The following LSM11 variants were observed in gnomAD, a reference collection of about 807,000 sequenced individuals.
LSM11 encodes U7 snRNA-associated Sm-like protein LSm11.
Under a neutral mutation model 28.1 loss-of-function variants are expected in LSM11, and 14 were observed. That is an observed-to-expected ratio of 0.50 (90% CI 0.33 to 0.78). LSM11 has a LOEUF of 0.78. LSM11 is among the 30% of genes least tolerant of loss of function. The pLI, the probability that LSM11 is intolerant of heterozygous loss-of-function variation, is 0.02. For synonymous variants in LSM11, 207 were observed against 214.2 expected (o/e 0.97, Z 0.30); for missense variants, 495 against 510.6 (o/e 0.97, Z 0.30).
chr5:157,744,122 C>A lies in LSM11; in HGVS notation c.372C>A (p.Asp124Glu). Reference sequence around the variant, plus strand: ...TCATGGTGGCCAAAGAGGAAGGGGACGGGGCCGCAGGAGCGGGCCGGAGGG... The same window carrying A: ...TCATGGTGGCCAAAGAGGAAGGGGAAGGGGCCGCAGGAGCGGGCCGGAGGG... ...RRLMVAKEEG[D>E]GAAGAGRRGP... The change falls in exon 1 of 4, where the codon GAC becomes GAA. Residue 124 changes from aspartate (D) to glutamate (E), a missense_variant. Coordinates refer to ENST00000286307, the MANE Select transcript of LSM11 (RefSeq NM_173491.4). The A allele has an allele frequency of 6.8e-7, 1 of 1,480,000 alleles. No homozygotes were observed. The highest frequency in any genetic ancestry group is 8.9e-7 in the Non-Finnish European group (1 of 1,119,932). 91.7% of individuals were successfully genotyped at this position (1,480,000 alleles called of 1,614,324 possible).
chr5:157,751,311 G>C, intron 1 of LSM11, 79 bp from the exon 2 acceptor site: 1 of 1,468,910 alleles, frequency 6.8e-7, no homozygotes, highest in Non-Finnish European at 9.1e-7. Context: ...GTTGCTGGCC[G>C]AAGTTGGGTG....
At chr5:157,754,165 C>A in intron 3 of LSM11, 78 bp downstream of exon 3, 1 of 929,506 alleles carries the variant, frequency 1.1e-6, no homozygotes, top group Non-Finnish European at 1.6e-6. Flanking sequence ...AGCCCAGTGA[C>A]TAGGATTTCC....
At chr5:157,749,582 ACG>A (rs141020732) in intron 1 of LSM11, among the ~76,000 whole-genome samples, 32,969 of 121,924 alleles carry the variant, frequency 0.27, 3,821 homozygotes, top group East Asian at 0.43. Flanking sequence ...ACGCGCGCGC[ACG>A]CGCGCACACA....
chr5:157,753,949 A>G (rs1761281464), intron 2 of LSM11, 55 bp from the exon 3 acceptor site: 4 of 1,219,916 alleles, frequency 3.3e-6, no homozygotes, highest in Middle Eastern at 2.1e-4. Context: ...AAAAAGCTAT[A>G]CAAATAATAA....
chr5:157,744,531 G>A (rs1177121092), intron 1 of LSM11, among the ~76,000 whole-genome samples: 5 of 152,174 alleles, frequency 3.3e-5, no homozygotes, highest in African/African-American at 7.2e-5. Context: ...TGATGAGCCT[G>A]CCGAGAGGGT....
chr5:157,751,317 G>T, intron 1 of LSM11, 73 bp from the exon 2 acceptor site: 1 of 1,478,120 alleles, frequency 6.8e-7, no homozygotes, highest in East Asian at 2.4e-5. Context: ...GGCCGAAGTT[G>T]GGTGGTCGTG....
intron 1 of LSM11, among the ~76,000 whole-genome samples, chr5:157,747,904 T>C (rs1407589800): frequency 1.3e-5 from 2 of 152,220 alleles, no homozygotes; most frequent in Non-Finnish European, 2.9e-5. Flanking sequence ...TTCAGCCTTG[T>C]CACTTTTCTC....
In LSM11 at chr5:157,760,684, C is replaced by G. The variant is rs940204398; in HGVS notation, c.*5420C>G. On this transcript the variant is annotated 3_prime_UTR_variant, in exon 4 of 4. Transcript: ENST00000286307. Reference sequence around the variant, plus strand: ...ATGTGTCGTAATGGGAGTCTGAAAACTGTAATAAACTGTATTCATATCCTG... The same window carrying G: ...ATGTGTCGTAATGGGAGTCTGAAAAGTGTAATAAACTGTATTCATATCCTG... The G allele has an allele frequency of 4.6e-5, 7 of 152,188 alleles. No homozygotes were observed. Among genetic ancestry groups the G allele is most frequent in the African/African-American group, 1.4e-4 (6 of 41,440 alleles). The allele number at this position is 152,188 out of a possible 1,614,324, so 9.4% of individuals were successfully genotyped here.
At chr5:157,751,804 GGA>G (rs1761236525) in intron 2 of LSM11, among the ~76,000 whole-genome samples, 1 of 152,130 alleles carries the variant, frequency 6.6e-6, no homozygotes, top group South Asian at 2.1e-4. Flanking sequence ...CACCACTATA[GGA>G]GAGGGTACTA....
In LSM11 at chr5:157,744,094, G is replaced by A. The variant is rs1320810227; in HGVS notation, c.344G>A (p.Arg115His). 1.3e-5 allele frequency: 19 copies of A among 1,486,126 alleles called. No individual in the cohort carries two copies. The highest frequency in any genetic ancestry group is 6.5e-5 in the Admixed American group (3 of 46,324). The allele number at this position is 1,486,126 out of a possible 1,614,324, so 92.1% of individuals were successfully genotyped here. ...PDPERIQRLR[R>H]LMVAKEEGDG... ...CCCGAGCGCATCCAGCGCCTCCGCC[G>A]TCTCATGGTGGCCAAAGAGGAAGGG... Residue 115 changes from arginine to histidine, a missense_variant, in exon 1 of 4, where the codon CGT becomes CAT. Coordinates refer to ENST00000286307, the MANE Select transcript of LSM11 (RefSeq NM_173491.4).
chr5:157,755,615 C>T lies in LSM11; in HGVS notation c.*351C>T, dbSNP rs558455055. ...TAGATACTATAGGGGAAAGAAAAGT[C>T]TCAAAAAGAAGTATTGCATGTCTAA... On this transcript the variant is annotated 3_prime_UTR_variant, in exon 4 of 4. Transcript: ENST00000286307. 1.4e-5 allele frequency: 6 copies of T among 430,322 alleles called. No homozygotes were observed. In the South Asian group the frequency reaches 4.2e-4, roughly 30 times the overall value. The allele number at this position is 430,322 out of a possible 1,614,324, so 26.7% of individuals were successfully genotyped here.
At chr5:157,750,244 G>A (rs1581450980) in intron 1 of LSM11, among the ~76,000 whole-genome samples, 1 of 152,246 alleles carries the variant, frequency 6.6e-6, no homozygotes. Context: ...GTGAGACCCT[G>A]TCTCAGGAAA....
Position 157,744,678 on chromosome 5 carries a change from G to A in LSM11, c.448+480G>A, listed in dbSNP as rs111657895. Among the ~76,000 whole-genome samples the A allele has an allele frequency of 4.5e-4, 68 of 152,234 alleles. No homozygotes were observed. The Middle Eastern group carries it at 0.014, about 30-fold the overall frequency. ...AGGTGGGGCGGAAAACGGGAGACGT[G>A]GGGGAGCGCACAGCCAATATTAGGG... On this transcript the variant is annotated intron_variant, in intron 1 of 3. Transcript: ENST00000286307.
chr5:157,752,843 CAAAAA>C (rs553164268), intron 2 of LSM11, among the ~76,000 whole-genome samples: 44,041 of 103,006 alleles, frequency 0.43, 7,116 homozygotes, highest in East Asian at 0.62. Flanking sequence ...GAGACTCTGT[CAAAAA>C]AAAAAAAAAA....
intron 2 of LSM11, among the ~76,000 whole-genome samples, chr5:157,752,331 T>C (rs555089795): frequency 9.9e-5 from 15 of 151,876 alleles, no homozygotes; most frequent in African/African-American, 3.6e-4. Context: ...GGTTTCACCA[T>C]GTTGGCCAGG....
chr5:157,750,224 C>T (rs1761210086), intron 1 of LSM11, among the ~76,000 whole-genome samples: 2 of 152,092 alleles, frequency 1.3e-5, no homozygotes, highest in Non-Finnish European at 2.9e-5. Flanking sequence ...GCACTCCAGC[C>T]TGGGTGACAG....
intron 1 of LSM11, among the ~76,000 whole-genome samples, chr5:157,745,965 G>T (rs1199288612): frequency 6.6e-6 from 1 of 152,114 alleles, no homozygotes; most frequent in Non-Finnish European, 1.5e-5. Context: ...TACCTATTGG[G>T]TACTGTGATC....
intron 1 of LSM11, among the ~76,000 whole-genome samples, chr5:157,744,963 AC>A (rs1287401239): frequency 7.0e-6 from 1 of 143,110 alleles, no homozygotes; most frequent in Non-Finnish European, 1.5e-5. Context: ...TGGGTGCAGG[AC>A]TGTGTCTGTC....
chr5:157,754,804 G>C (rs1211518073), intron 3 of LSM11, 50 bp from the exon 4 acceptor site: 2 of 1,513,102 alleles, frequency 1.3e-6, no homozygotes, highest in Non-Finnish European at 1.8e-6. Flanking sequence ...TTGAAAGAGG[G>C]TGATGAAGGC....
Sources: allele counts gnomAD v4.1 joint callset (sites outside exome capture counted in the v4.1 genomes callset), GRCh38; gene constraint gnomAD v4.1.1; transcripts MANE v1.5; gene names NCBI Gene and HGNC (gene_info 2026-07-23, HGNC 2026-07-21).